The following PYGL variants were observed in gnomAD, a reference collection of about 807,000 sequenced individuals.
PYGL encodes the protein glycogen phosphorylase, liver form.
In PYGL, 90 loss-of-function variants were observed where a neutral mutation model predicts 100.1. The observed-to-expected ratio is 0.90, with a 90% CI of 0.76 to 1.07. The LOEUF (loss-of-function observed/expected upper bound fraction) is 1.07. PYGL is among the 50% of genes least tolerant of loss of function. The pLI is 0.00. For missense variants in PYGL, 1,016 were observed against 1,057.6 expected, an observed-to-expected ratio of 0.96 and a Z score of 0.55; for synonymous variants, 373 against 393.0, an observed-to-expected ratio of 0.95 and a Z score of 0.60.
At chr14:50,915,155 A>C in intron 11 of PYGL, 181 bp downstream of exon 11, 1 of 828,742 alleles carries the variant, frequency 1.2e-6, no homozygotes, top group Non-Finnish European at 1.9e-6. Flanking sequence ...AGAGGAAAGC[A>C]TTCTTTTCTT....
intron 14 of PYGL, 33 bp from the exon 15 acceptor site, chr14:50,912,069 G>C (rs761890647): frequency 6.2e-7 from 1 of 1,613,294 alleles, no homozygotes; most frequent in Non-Finnish European, 8.5e-7. Context: ...TGAAATGGAA[G>C]ACAGCTGACG....
At chr14:50,921,264 T>A in intron 5 of PYGL, 197 bp from the exon 6 acceptor site, 1 of 586,290 alleles carries the variant, frequency 1.7e-6, no homozygotes. Context: ...CCCGACCTGG[T>A]ACAATCTAGT....
At chr14:50,932,847 T>C (rs952702528) in intron 3 of PYGL, among the ~76,000 whole-genome samples, 15 of 152,126 alleles carry the variant, frequency 9.9e-5, no homozygotes, top group African/African-American at 3.6e-4. Flanking sequence ...AAGCTGTAGA[T>C]CAAACAGAAA....
chr14:50,919,030 TAAAAAC>T (rs750367419), intron 7 of PYGL, among the ~76,000 whole-genome samples: 7 of 150,200 alleles, frequency 4.7e-5, no homozygotes, highest in Non-Finnish European at 8.9e-5. Context: ...AGCTTACTCT[TAAAAAC>T]AAACAAACAA....
intron 13 of PYGL, 34 bp from the exon 14 acceptor site, chr14:50,912,337 T>C (rs777905992): frequency 1.2e-6 from 2 of 1,610,368 alleles, no homozygotes; most frequent in Middle Eastern, 1.7e-4. Context: ...AGAGCTCTTT[T>C]GGCCTAGAAG....
intron 7 of PYGL, among the ~76,000 whole-genome samples, chr14:50,918,807 A>T (rs8021856): frequency 1.3e-5 from 2 of 152,248 alleles, no homozygotes; most frequent in East Asian, 1.9e-4. Flanking sequence ...TAAAAATTTT[A>T]AAATGATGAG....
chr14:50,944,014 C>T, intron 1 of PYGL, 147 bp downstream of exon 1: 2 of 1,140,588 alleles, frequency 1.8e-6, no homozygotes, highest in Non-Finnish European at 2.5e-6. Context: ...TGCCCGCCCA[C>T]AGCCTAGACA....
At chr14:50,933,433 AG>A (rs1214613981) in intron 3 of PYGL, among the ~76,000 whole-genome samples, 1 of 152,244 alleles carries the variant, frequency 6.6e-6, no homozygotes, top group Non-Finnish European at 1.5e-5. Context: ...ATGGCTTTCT[AG>A]TAACTTGGGT....
chr14:50,915,237 C>G, intron 11 of PYGL, 99 bp downstream of exon 11: 7 of 1,377,266 alleles, frequency 5.1e-6, no homozygotes, highest in Non-Finnish European at 7.2e-6. Flanking sequence ...AACATTTGAA[C>G]AAGGCCTTTC....
At chr14:50,926,138 C>T (rs148866832) in intron 4 of PYGL, among the ~76,000 whole-genome samples, 63 of 152,192 alleles carry the variant, frequency 4.1e-4, no homozygotes, top group Middle Eastern at 3.4e-3. Flanking sequence ...GTCACTTGAT[C>T]CCAGGAGTTT....
chr14:50,912,123 C>CA (rs754045100), intron 14 of PYGL, 33 bp downstream of exon 14: 1 of 1,614,186 alleles, frequency 6.2e-7, no homozygotes, highest in Admixed American at 1.7e-5. Flanking sequence ...CTTCCACCTG[C>CA]AAGGGGGCTT....
intron 12 of PYGL, 68 bp from the exon 13 acceptor site, chr14:50,913,198 G>C: frequency 3.0e-6 from 4 of 1,328,716 alleles, no homozygotes; most frequent in Non-Finnish European, 3.2e-6. Context: ...GGCAGTTTCT[G>C]TCAGTATTTC....
intron 10 of PYGL, 84 bp from the exon 11 acceptor site, chr14:50,915,583 T>C: frequency 3.2e-6 from 5 of 1,553,214 alleles, no homozygotes; most frequent in Non-Finnish European, 4.4e-6. Flanking sequence ...TTAAGCAAAA[T>C]CTTTGGTGTA....
intron 11 of PYGL, chr14:50,915,130 A>G: frequency 1.4e-6 from 1 of 709,970 alleles, no homozygotes; most frequent in Non-Finnish European, 2.3e-6. Flanking sequence ...TATGTCTAGA[A>G]TTAAGATGGC....
chr14:50,915,795 GA>G (rs1555326858), intron 10 of PYGL, 29 bp downstream of exon 10: 1 of 1,605,908 alleles, frequency 6.2e-7, no homozygotes, highest in African/African-American at 1.3e-5. Context: ...TTATGCTCAT[GA>G]ACAGAGAAAA....
At chr14:50,932,951 C>T (rs2050615877) in intron 3 of PYGL, among the ~76,000 whole-genome samples, 1 of 152,222 alleles carries the variant, frequency 6.6e-6, no homozygotes, top group African/African-American at 2.4e-5. Context: ...TCGCCAATCC[C>T]TGTGCTCACA....
At position 50,908,303 on chromosome 14, in the gene PYGL, T is replaced by G; in HGVS notation, c.2347A>C (p.Lys783Gln). The G allele has an allele frequency of 6.2e-7, 1 of 1,605,368 alleles. No homozygotes were observed. Among genetic ancestry groups the G allele is most frequent in the Non-Finnish European group, 8.5e-7 (1 of 1,172,038 alleles). Residue 783 changes from lysine to glutamine, a missense_variant, in exon 19 of 20, where the codon AAG becomes CAG. By Grantham distance (53) the Lys-to-Gln change is moderately conservative. Coordinates refer to ENST00000216392, the MANE Select transcript of PYGL (RefSeq NM_002863.5). ...KVFADYEAYV[K>Q]CQDKVSQLYM... ...AGCTGACTCACTTTATCTTGACACT[T>G]GACATAGGCTTCGTAGTCTGCAAAG... is the stretch of plus-strand genomic sequence containing the variant.
chr14:50,912,752 G>A (rs1176863228), intron 13 of PYGL, among the ~76,000 whole-genome samples: 1 of 152,078 alleles, frequency 6.6e-6, no homozygotes, highest in Non-Finnish European at 1.5e-5. Flanking sequence ...TCAGGAGTTC[G>A]AGACCAGCCT....
chr14:50,934,673 G>A (rs10146041), intron 3 of PYGL, among the ~76,000 whole-genome samples: 16,882 of 151,690 alleles, frequency 0.11, 1,464 homozygotes, highest in African/African-American at 0.25. Flanking sequence ...ATATATATAT[G>A]TGTGTGTGTG....
Sources: gnomAD v4.1 joint callset for allele counts (sites outside exome capture counted in the v4.1 genomes callset) on GRCh38, gnomAD v4.1.1 for gene constraint, MANE v1.5 for transcripts, NCBI Gene and HGNC (gene_info 2026-07-23, HGNC 2026-07-21) for gene names.